SLC35B3: variants seen among roughly 807,000 people sequenced by gnomAD.
SLC35B3 encodes solute carrier family 35 member B3.
A neutral mutation model predicts 44.1 loss-of-function variants in SLC35B3; 35 were observed. The ratio of observed to expected loss-of-function variants is 0.79; its 90% CI spans 0.61 to 1.05. The LOEUF (loss-of-function observed/expected upper bound fraction) is 1.05, where lower values mean the gene tolerates loss of function less well. Ranked by LOEUF, SLC35B3 falls within the 50% of genes least tolerant of loss-of-function variation. The pLI is 0.00. For synonymous variants in SLC35B3, 146 were observed against 167.3 expected (o/e 0.87, Z 0.98); for missense variants, 414 against 476.4 (o/e 0.87, Z 1.22).
At chr6:8,428,158 C>A in intron 3 of SLC35B3, 100 bp from the exon 3 acceptor site, 1 of 1,078,208 alleles carries the variant, frequency 9.3e-7, no homozygotes, top group East Asian at 2.8e-5. Context: ...AACCAAGCCC[C>A]ACCTCCAACA....
In SLC35B3 at chr6:8,433,631, A is replaced by G. The variant is rs1186361733; in HGVS notation, c.3+754T>C. 6.6e-6 allele frequency among the ~76,000 whole-genome samples: 1 copy of G among 152,220 alleles called. No homozygotes were observed. On this transcript the variant is annotated intron_variant, in intron 2 of 10. Coordinates refer to ENST00000644923, the MANE Select transcript of SLC35B3 (RefSeq NM_001370476.2). This position sits in a 1 kb window ranked among gnomAD's most constrained non-coding sequence, Gnocchi z 4.1. ...CTCTAGCACTGTCTTTTCTACATGTATGCCAAAATACCGACATTGCTACTG... is the reference window on the plus strand; with the variant it reads ...CTCTAGCACTGTCTTTTCTACATGTGTGCCAAAATACCGACATTGCTACTG...
chr6:8,429,914 T>G lies in SLC35B3; in HGVS notation c.247A>C (p.Ile83Leu), dbSNP rs769972205. Reference sequence around the variant, plus strand: ...AATACAAAAACTCCAGCAACACATATGAAAAACTGAGTAAGTTTGTTAAAC... The same window carrying G: ...AATACAAAAACTCCAGCAACACATAGGAAAAACTGAGTAAGTTTGTTAAAC... Residue 83 changes from isoleucine to leucine, a missense_variant, in exon 3 of 11, where the codon ATA (isoleucine) becomes CTA (leucine). Ile to Leu is a conservative substitution (Grantham distance 5). Coordinates refer to ENST00000644923, the MANE Select transcript of SLC35B3 (RefSeq NM_001370476.2). The G allele has an allele frequency of 3.1e-6, 5 of 1,609,092 alleles. No individual in the cohort carries two copies. In the African/African-American group the frequency reaches 6.7e-5, roughly 22 times the overall value.
In SLC35B3 at chr6:8,412,175, G is replaced by A. The variant is rs9406132; in HGVS notation, c.*1374C>T. Among the ~76,000 whole-genome samples the A allele has an allele frequency of 2.0e-5, 3 of 152,192 alleles. No homozygotes were observed. In the East Asian group the frequency reaches 5.8e-4, roughly 29 times the overall value. On this transcript the variant is annotated 3_prime_UTR_variant, in exon 11 of 11. Coordinates refer to ENST00000644923, the MANE Select transcript of SLC35B3 (RefSeq NM_001370476.2). The stretch of plus-strand genomic sequence containing the variant: ...GCTCCTTCTGTGAACCAGAAAGCAG[G>A]CTCTCACCAAATCTGCCAGCACCTC...
Position 8,435,146 on chromosome 6 carries a change from G to A in SLC35B3, c.-44+197C>T. 1 of 1,281,866 alleles carries A rather than the reference G, an allele frequency of 7.8e-7. No individual in the cohort carries two copies. 79.4% of individuals were successfully genotyped at this position (1,281,866 alleles called of 1,614,324 possible). A position where few individuals can be genotyped will look rare whatever the true frequency, so the allele number is the denominator to read the frequency against. ...CCGAGGGCGAAAAACGGGCGAGGAGGAACAGATGCTCCTCCCTGGAAACCG... is the reference window on the plus strand; with the variant it reads ...CCGAGGGCGAAAAACGGGCGAGGAGAAACAGATGCTCCTCCCTGGAAACCG... On this transcript the variant is annotated intron_variant, in intron 1 of 10. Coordinates refer to ENST00000644923, the MANE Select transcript of SLC35B3 (RefSeq NM_001370476.2). The surrounding 1 kb of genome is among the most constrained non-coding windows in gnomAD (Gnocchi z 5.5).
rs1013357494 is a variant in SLC35B3 at position 8,412,981 on chromosome 6, T to A, written c.*568A>T. ...TCCTGCTCTAAAGAATAATTTTAAA[T>A]CAGAGAAAACTCAAGTTTTAAAGTT... On this transcript the variant is annotated 3_prime_UTR_variant, in exon 11 of 11. Transcript: ENST00000644923. 6.6e-6 allele frequency: 1 copy of A among 152,206 alleles called. No individual in the cohort carries two copies. Among genetic ancestry groups the A allele is most frequent in the Non-Finnish European group, 1.5e-5 (1 of 68,056 alleles). 9.4% of individuals were successfully genotyped at this position (152,206 alleles called of 1,614,324 possible).
At chr6:8,415,259 C>T (rs115445873) in intron 9 of SLC35B3, among the ~76,000 whole-genome samples, 163 of 152,204 alleles carry the variant, frequency 1.1e-3, no homozygotes, top group African/African-American at 3.6e-3. Context: ...TATGGTATTA[C>T]GAAGCCACAG....
rs763733611 is a variant in SLC35B3 at position 8,429,948 on chromosome 6, A to G, written c.213T>C (p.Asn71=). The G allele has an allele frequency of 3.7e-6, 6 of 1,612,012 alleles. No homozygotes were observed. The Admixed American group carries it at 1.0e-4, about 27-fold the overall frequency. Residue 71 remains asparagine, a synonymous_variant, in exon 3 of 11, where the codon AAT becomes AAC. Coordinates refer to ENST00000644923, the MANE Select transcript of SLC35B3 (RefSeq NM_001370476.2). Reference sequence around the variant, plus strand: ...GAGTAAGTTTGTTAAACTTGCTGAGATTCATGCCAAGTACCACAACGTCGT... The same window carrying G: ...GAGTAAGTTTGTTAAACTTGCTGAGGTTCATGCCAAGTACCACAACGTCGT...
chr6:8,434,309 C>T lies in SLC35B3; in HGVS notation c.3+76G>A. ...GTAGAATATGAAAAAAAAGTCATTACGGTGTCATTAACCTGAAAAAACGTG... is the reference window on the plus strand; with the variant it reads ...GTAGAATATGAAAAAAAAGTCATTATGGTGTCATTAACCTGAAAAAACGTG... On this transcript the variant is annotated intron_variant, in intron 2 of 10. Coordinates refer to ENST00000644923, the MANE Select transcript of SLC35B3 (RefSeq NM_001370476.2). The surrounding 1 kb of genome is among the most constrained non-coding windows in gnomAD (Gnocchi z 6.3). 1 of 1,370,234 alleles carries T rather than the reference C, an allele frequency of 7.3e-7. No homozygotes were observed. Among genetic ancestry groups the T allele is most frequent in the Non-Finnish European group, 1.0e-6 (1 of 966,440 alleles). 84.9% of individuals were successfully genotyped at this position (1,370,234 alleles called of 1,614,324 possible). A position where few individuals can be genotyped will look rare whatever the true frequency, so the allele number is the denominator to read the frequency against.
chr6:8,422,538 TA>T lies in SLC35B3; in HGVS notation c.505del (p.Tyr169ThrfsTer12), dbSNP rs760597579. 2 of 1,613,564 alleles carry T rather than the reference TA, an allele frequency of 1.2e-6. No homozygotes were observed. The highest frequency in any genetic ancestry group is 2.2e-5 in the South Asian group (2 of 91,060). On this transcript the variant is annotated frameshift_variant, in exon 5 of 11. Transcript: ENST00000644923. LOFTEE classifies it high-confidence loss of function. ...GCACTTGAAGATGACTTGGGTAGGG[TA>T]ATTCAGGTAGCCCAAGGAAGTGTTT...
chr6:8,421,479 C>T (rs934574043), intron 5 of SLC35B3, among the ~76,000 whole-genome samples: 2 of 152,044 alleles, frequency 1.3e-5, no homozygotes, highest in Non-Finnish European at 2.9e-5. Flanking sequence ...GTTGACAACA[C>T]TTTCATTTTT....
Position 8,418,554 on chromosome 6 carries a change from C to CAAAA in SLC35B3, c.780+1022_780+1025dup, listed in dbSNP as rs751859093. Among the ~76,000 whole-genome samples, 1,100 of 116,610 alleles carry CAAAA rather than the reference C, an allele frequency of 9.4e-3. 16 individuals are homozygous for CAAAA. Among genetic ancestry groups the CAAAA allele is most frequent in the African/African-American group, 0.035 (1,028 of 29,138 alleles). 76.5% of individuals were successfully genotyped at this position (116,610 alleles called of 152,430 possible). On this transcript the variant is annotated intron_variant, in intron 7 of 10. Coordinates refer to ENST00000644923, the MANE Select transcript of SLC35B3 (RefSeq NM_001370476.2). Reference sequence around the variant, plus strand: ...AAGATATACAAAAAGACACTACTTGCAAAAAAAAAAAACAGTTACAAGAGA... The same window carrying CAAAA: ...AAGATATACAAAAAGACACTACTTGCAAAAAAAAAAAAAAAACAGTTACAAGAGA...
chr6:8,416,959 A>T lies in SLC35B3; in HGVS notation c.910T>A (p.Ser304Thr). 1 of 1,601,356 alleles carries T rather than the reference A, an allele frequency of 6.2e-7. No individual in the cohort carries two copies. Among genetic ancestry groups the T allele is most frequent in the Non-Finnish European group, 8.5e-7 (1 of 1,173,776 alleles). The change falls in exon 9 of 11, where the codon TCC (serine) becomes ACC (threonine). Residue 304 changes from serine to threonine, a missense_variant. By Grantham distance (58) the Ser-to-Thr change is moderately conservative. Transcript: ENST00000644923. ...GAGATTCCAAAATATCCAGTGAGGG[A>T]AAAAAGGAACGCATAACCATAGGTC...
In SLC35B3 at chr6:8,419,489, A is replaced by C. The variant is rs935606974; in HGVS notation, c.780+91T>G. 7 of 619,432 alleles carry C rather than the reference A, an allele frequency of 1.1e-5. No homozygotes were observed. In the African/African-American group the frequency reaches 1.3e-4, roughly 12 times the overall value. The allele number at this position is 619,432 out of a possible 1,614,324, so 38.4% of individuals were successfully genotyped here. A position where few individuals can be genotyped will look rare whatever the true frequency, so the allele number is the denominator to read the frequency against. On this transcript the variant is annotated intron_variant, in intron 7 of 10. Coordinates refer to ENST00000644923, the MANE Select transcript of SLC35B3 (RefSeq NM_001370476.2). This position sits in a 1 kb window ranked among gnomAD's most constrained non-coding sequence, Gnocchi z 4.3. ...TTTGTAAAAATGAGTTTAAAAATGC[A>C]ATGCTAGTTATAATAATTATTTCAT... is the stretch of plus-strand genomic sequence containing the variant.
At position 8,419,334 on chromosome 6, in the gene SLC35B3, A is replaced by G. The variant is rs530719180; in HGVS notation, c.780+246T>C. 2.0e-5 allele frequency among the ~76,000 whole-genome samples: 3 copies of G among 152,194 alleles called. No homozygotes were observed. The highest frequency in any genetic ancestry group is 1.3e-4 in the Admixed American group (2 of 15,274). ...AAAGAGATGAGAGAAAGGATATAAC[A>G]AAAGATTTTATTTTAATACATAAAA... is the stretch of plus-strand genomic sequence containing the variant. On this transcript the variant is annotated intron_variant, in intron 7 of 10. Coordinates refer to ENST00000644923, the MANE Select transcript of SLC35B3 (RefSeq NM_001370476.2). The surrounding 1 kb of genome is among the most constrained non-coding windows in gnomAD (Gnocchi z 4.3).
rs1420530083 is a variant in SLC35B3, at chr6:8,420,820, A to G, written c.583T>C (p.Tyr195His). 1 of 1,610,178 alleles carries G rather than the reference A, an allele frequency of 6.2e-7. No homozygotes were observed. Among genetic ancestry groups the G allele is most frequent in the Non-Finnish European group, 8.5e-7 (1 of 1,177,486 alleles). ...GCAGCAGACACATCTGCAACATTAT[A>G]ACGCTTTCCTGTATAAAACAAACGT... is the stretch of plus-strand genomic sequence containing the variant. Residue 195 changes from tyrosine (Y) to histidine (H), a missense_variant, in exon 6 of 11, where the codon TAT (tyrosine) becomes CAT (histidine). Coordinates refer to ENST00000644923, the MANE Select transcript of SLC35B3 (RefSeq NM_001370476.2). This position sits in a 1 kb window ranked among gnomAD's most constrained non-coding sequence, Gnocchi z 4.4.
At chr6:8,415,260 G>C (rs749473232) in intron 9 of SLC35B3, among the ~76,000 whole-genome samples, 11 of 152,244 alleles carry the variant, frequency 7.2e-5, no homozygotes, top group Admixed American at 5.9e-4. Flanking sequence ...ATGGTATTAC[G>C]AAGCCACAGT....
intron 8 of SLC35B3, 55 bp downstream of exon 7, chr6:8,417,347 T>C: frequency 8.9e-7 from 1 of 1,122,902 alleles, no homozygotes; most frequent in Non-Finnish European, 1.3e-6. Context: ...AATGAGAAAT[T>C]TAGAGAAAAT....
chr6:8,434,427 T>C lies in SLC35B3; in HGVS notation c.-40A>G. 4.3e-6 allele frequency: 7 copies of C among 1,611,556 alleles called. No homozygotes were observed. The highest frequency in any genetic ancestry group is 5.9e-6 in the Non-Finnish European group (7 of 1,178,612). On this transcript the variant is annotated 5_prime_UTR_variant, in exon 2 of 11. Coordinates refer to ENST00000644923, the MANE Select transcript of SLC35B3 (RefSeq NM_001370476.2). The surrounding 1 kb of genome is among the most constrained non-coding windows in gnomAD (Gnocchi z 6.3). The stretch of plus-strand genomic sequence containing the variant: ...ATTAACTGCGCTCCGGAATCAATCA[T>C]GGCCTATGGTGTACGATTATAAAAC...
At position 8,424,565 on chromosome 6, in the gene SLC35B3, G is replaced by GA. The variant is rs542143801; in HGVS notation, c.420-1942dup. On this transcript the variant is annotated intron_variant, in intron 4 of 10. Transcript: ENST00000644923. ...GTGAGCCACTGCACCTGGCCGGGGAGAAAATTTTAACTTTAAAAACCTCTT... is the reference window on the plus strand; with the variant it reads ...GTGAGCCACTGCACCTGGCCGGGGAGAAAAATTTTAACTTTAAAAACCTCTT... Among the ~76,000 whole-genome samples, 461 of 152,210 alleles carry GA rather than the reference G, an allele frequency of 3.0e-3. 1 individual carries two copies. Among genetic ancestry groups the GA allele is most frequent in the African/African-American group, 0.01 (420 of 41,556 alleles).
Sources: allele counts gnomAD v4.1 joint callset (sites outside exome capture counted in the v4.1 genomes callset), GRCh38; gene constraint gnomAD v4.1.1; non-coding constraint Gnocchi (gnomAD v3.1); transcripts MANE v1.5; gene names NCBI Gene and HGNC (gene_info 2026-07-23, HGNC 2026-07-21).